Variants in SRFBP1 observed in about 807,000 individuals in gnomAD.
SRFBP1 encodes the protein serum response factor-binding protein 1.
SRFBP1 carries 47 observed loss-of-function variants against 45.5 expected under a neutral mutation model. The ratio of observed to expected loss-of-function variants is 1.03; its 90% CI spans 0.82 to 1.32. The LOEUF (loss-of-function observed/expected upper bound fraction) is 1.32, where lower values mean the gene tolerates loss of function less well. SRFBP1 is among the 40% of genes most tolerant of loss of function. The pLI is 0.00. For missense variants in SRFBP1, 621 were observed against 484.6 expected (o/e 1.28, Z -2.64); for synonymous variants, 203 against 166.3 (o/e 1.22, Z -1.70).
intron 4 of SRFBP1, among the ~76,000 whole-genome samples, chr5:122,000,509 AG>A (rs1561586745): frequency 6.6e-6 from 1 of 152,018 alleles, no homozygotes; most frequent in Non-Finnish European, 1.5e-5. Context: ...TTTTTTGGCA[AG>A]GAAGTTTTTT....
At chr5:122,054,449 A>AGTCT (rs1754043009) in intron 2 of SRFBP1, among the ~76,000 whole-genome samples, 1 of 152,134 alleles carries the variant, frequency 6.6e-6, no homozygotes, top group Non-Finnish European at 1.5e-5. Flanking sequence ...TCAGATCATC[A>AGTCT]GTCTGCAGGG....
At chr5:121,983,862 T>G (rs1401011763) in intron 3 of SRFBP1, among the ~76,000 whole-genome samples, 1 of 151,740 alleles carries the variant, frequency 6.6e-6, no homozygotes, top group Non-Finnish European at 1.5e-5. Context: ...TTTGTTTTAT[T>G]TTATTGTTCT....
At chr5:122,011,104 C>T (rs558063106) in intron 4 of SRFBP1, among the ~76,000 whole-genome samples, 26 of 152,182 alleles carry the variant, frequency 1.7e-4, no homozygotes, top group African/African-American at 6.0e-4. Context: ...TTAAGTCCAT[C>T]TGATATTCAA....
intron 2 of SRFBP1, among the ~76,000 whole-genome samples, chr5:122,050,945 G>A (rs1263658193): frequency 6.6e-6 from 1 of 152,122 alleles, no homozygotes; most frequent in Non-Finnish European, 1.5e-5. Flanking sequence ...ATTCTAGTAT[G>A]TTGTATCTTC....
At chr5:122,057,641 TAA>T (rs879356959) in intron 2 of SRFBP1, among the ~76,000 whole-genome samples, 2 of 143,628 alleles carry the variant, frequency 1.4e-5, no homozygotes, top group Admixed American at 7.0e-5. Flanking sequence ...CTCAGTTCTT[TAA>T]AAAAAAAAAA....
At chr5:121,990,582 GA>G (rs997965835) in intron 3 of SRFBP1, among the ~76,000 whole-genome samples, 1 of 151,842 alleles carries the variant, frequency 6.6e-6, no homozygotes, top group Non-Finnish European at 1.5e-5. Flanking sequence ...TAAAAGTTGG[GA>G]AAAAAAGGAA....
chr5:122,062,030 AC>A (rs1754179420), intron 2 of SRFBP1, among the ~76,000 whole-genome samples: 1 of 151,944 alleles, frequency 6.6e-6, no homozygotes, highest in Non-Finnish European at 1.5e-5. Context: ...TTTAAAAAAG[AC>A]TCGTGACAAA....
chr5:122,063,148 A>C (rs529594377), intron 2 of SRFBP1: 1 of 152,118 alleles, frequency 6.6e-6, no homozygotes, highest in Non-Finnish European at 1.5e-5. Context: ...TTTCAACTAA[A>C]ATGAAAATCA....
chr5:122,021,668 CTTTTTTTTTTTTT>C (rs912072262), intron 6 of SRFBP1, among the ~76,000 whole-genome samples: 5 of 96,952 alleles, frequency 5.2e-5, no homozygotes, highest in Non-Finnish European at 9.8e-5. Flanking sequence ...AAATATAAAT[CTTTTTTTTTTTTT>C]TTTTTTTTTT....
At position 122,027,171 on chromosome 5, in the gene SRFBP1, T is replaced by G. The variant is rs1362968063; in HGVS notation, c.*45T>G. ...ACTTTTCCATCTAAAAAAAAAAATG[T>G]TTTTTTTAAGACAGGATCTCATTCT... On this transcript the variant is annotated 3_prime_UTR_variant, in exon 8 of 8. Coordinates refer to ENST00000339397, the MANE Select transcript of SRFBP1 (RefSeq NM_152546.3). 9 of 1,451,588 alleles carry G rather than the reference T, an allele frequency of 6.2e-6. No individual in the cohort carries two copies. The highest frequency in any genetic ancestry group is 8.5e-6 in the Non-Finnish European group (9 of 1,057,784). The allele number at this position is 1,451,588 out of a possible 1,614,324, so 89.9% of individuals were successfully genotyped here.
intron 3 of SRFBP1, among the ~76,000 whole-genome samples, 192 bp from the exon 4 acceptor site, chr5:121,994,407 C>G (rs2112674819): frequency 6.6e-6 from 1 of 152,056 alleles, no homozygotes; most frequent in African/African-American, 2.4e-5. Flanking sequence ...TTAATAGGCA[C>G]ATTACACTAA....
At position 121,961,994 on chromosome 5, in the gene SRFBP1, C is replaced by A; in HGVS notation, c.-39C>A. 1.9e-6 allele frequency: 3 copies of A among 1,613,566 alleles called. No individual in the cohort carries two copies. The highest frequency in any genetic ancestry group is 1.7e-4 in the Middle Eastern group (1 of 6,000). On this transcript the variant is annotated 5_prime_UTR_variant, in exon 1 of 8. Coordinates refer to ENST00000339397, the MANE Select transcript of SRFBP1 (RefSeq NM_152546.3). ...GCAGCCGCGGTCTGAGAGACCGGTTCACGTGCAGGCAGCGGCGGATCATAT... is the reference window on the plus strand; with the variant it reads ...GCAGCCGCGGTCTGAGAGACCGGTTAACGTGCAGGCAGCGGCGGATCATAT...
intron 2 of SRFBP1, among the ~76,000 whole-genome samples, chr5:122,041,474 A>G (rs1753772349): frequency 6.6e-6 from 1 of 151,946 alleles, no homozygotes; most frequent in African/African-American, 2.4e-5. Flanking sequence ...CTCATATGTT[A>G]AAGGAATTAG....
chr5:122,052,841 G>A (rs1025449034), intron 2 of SRFBP1, among the ~76,000 whole-genome samples: 5 of 152,110 alleles, frequency 3.3e-5, no homozygotes, highest in East Asian at 3.8e-4. Flanking sequence ...CAGAGGTCTC[G>A]TGCTGGTTAT....
At chr5:122,005,912 C>G (rs1429604251) in intron 4 of SRFBP1, among the ~76,000 whole-genome samples, 1 of 152,158 alleles carries the variant, frequency 6.6e-6, no homozygotes, top group African/African-American at 2.4e-5. Flanking sequence ...TTCTGATCTT[C>G]ATATTAAAGA....
chr5:122,039,402 C>T (rs1753738628), intron 2 of SRFBP1, among the ~76,000 whole-genome samples: 1 of 151,982 alleles, frequency 6.6e-6, no homozygotes, highest in Admixed American at 6.6e-5. Context: ...TATTTGGTAA[C>T]CAGAAGGACA....
At chr5:122,016,007 T>C (rs542040741) in intron 4 of SRFBP1, among the ~76,000 whole-genome samples, 1 of 152,320 alleles carries the variant, frequency 6.6e-6, no homozygotes, top group African/African-American at 2.4e-5. Flanking sequence ...ATTGATTATG[T>C]TATTGTGACT....
Position 121,974,213 on chromosome 5 carries a change from A to G in SRFBP1, c.54A>G (p.Lys18=). 1 of 1,610,966 alleles carries G rather than the reference A, an allele frequency of 6.2e-7. No homozygotes were observed. Among genetic ancestry groups the G allele is most frequent in the Non-Finnish European group, 8.5e-7 (1 of 1,177,804 alleles). The part of the protein sequence containing the change: ...NLNNEVVKMR[K]EVKRIRVLVI... ...CTTCAAAGGTTGTGAAGATGAGAAA[A>G]GAAGTGAAGAGAATTCGAGTTTTAG... The change falls in exon 2 of 8, where the codon AAA becomes AAG. Residue 18 remains lysine (K), a synonymous_variant. Transcript: ENST00000339397.
At chr5:121,962,154 G>C in intron 1 of SRFBP1, 86 bp downstream of exon 1, 1 of 1,551,774 alleles carries the variant, frequency 6.4e-7, no homozygotes, top group South Asian at 1.1e-5. Context: ...CGGGCATAGA[G>C]GGTGCGGTTG....
Sources: gnomAD v4.1 joint callset for allele counts (sites outside exome capture counted in the v4.1 genomes callset) on GRCh38, gnomAD v4.1.1 for gene constraint, MANE v1.5 for transcripts, NCBI Gene and HGNC (gene_info 2026-07-23, HGNC 2026-07-21) for gene names.